FHIT: variants seen among roughly 807,000 people sequenced by gnomAD.
FHIT encodes bis(5'-adenosyl)-triphosphatase.
FHIT carries 19 observed loss-of-function variants against 17.9 expected under a neutral mutation model. The observed-to-expected ratio is 1.06, with a 90% CI of 0.74 to 1.56. FHIT has a LOEUF of 1.56. FHIT is among the 40% of genes most tolerant of loss of function. The pLI is 0.00. For synonymous variants in FHIT, 81 were observed against 69.7 expected (o/e 1.16, Z -0.81); for missense variants, 248 against 189.2 (o/e 1.31, Z -1.82).
rs76987045 is a variant in FHIT at position 60,072,022 on chromosome 3, T to C, written c.104-57870A>G. The stretch of plus-strand genomic sequence containing the variant: ...TCCGTTAAACCTCTTCCCTTTATGA[T>C]TTACCAAGTCTCAGGTTTGTCTTTA... On this transcript the variant is annotated intron_variant, in intron 5 of 9. Coordinates refer to ENST00000492590, the MANE Select transcript of FHIT (RefSeq NM_002012.4). 4.8e-3 allele frequency among the ~76,000 whole-genome samples: 724 copies of C among 152,234 alleles called. 5 individuals are homozygous for C. Among genetic ancestry groups the C allele is most frequent in the African/African-American group, 0.016 (667 of 41,530 alleles).
chr3:59,881,718 C>G (rs1341589804), intron 8 of FHIT, among the ~76,000 whole-genome samples: 1 of 152,068 alleles, frequency 6.6e-6, no homozygotes, highest in Non-Finnish European at 1.5e-5. Flanking sequence ...AAGTTTAATA[C>G]AAGAAGAGGC....
At chr3:60,312,597 A>G (rs1187077275) in intron 5 of FHIT, among the ~76,000 whole-genome samples, 2 of 152,194 alleles carry the variant, frequency 1.3e-5, no homozygotes, top group Non-Finnish European at 2.9e-5. Flanking sequence ...CTGATTTAAC[A>G]GTTCTGGTAT....
intron 2 of FHIT, among the ~76,000 whole-genome samples, chr3:61,177,069 T>A (rs1289705446): frequency 1.3e-5 from 2 of 151,574 alleles, no homozygotes; most frequent in Non-Finnish European, 2.9e-5. Context: ...CCCAGCTACT[T>A]GGGAGGCTGA....
chr3:60,590,645 C>T (rs1553663888), intron 4 of FHIT, among the ~76,000 whole-genome samples: 1 of 152,148 alleles, frequency 6.6e-6, no homozygotes, highest in East Asian at 1.9e-4. Context: ...TTTGCAACTT[C>T]TGTGTGCATG....
At chr3:60,571,330 C>A (rs2037371487) in intron 4 of FHIT, among the ~76,000 whole-genome samples, 2 of 47,124 alleles carry the variant, frequency 4.2e-5, no homozygotes, top group African/African-American at 7.8e-5. Context: ...GGCAAGACTC[C>A]ATCGCAAAAA....
At chr3:59,885,441 C>CTTTTTT (rs60795525) in intron 8 of FHIT, among the ~76,000 whole-genome samples, 19 of 135,994 alleles carry the variant, frequency 1.4e-4, no homozygotes, top group Admixed American at 3.7e-4. Context: ...CTACCTGATG[C>CTTTTTT]TTTTTTTTTT....
rs1553657973 is a variant in FHIT at position 59,749,518 on chromosome 3, G to GT, written c.*66_*67insA. The GT allele has an allele frequency of 4.3e-6, 1 of 231,372 alleles. No homozygotes were observed. Among genetic ancestry groups the GT allele is most frequent in the Non-Finnish European group, 8.5e-6 (1 of 117,226 alleles). The allele number at this position is 231,372 out of a possible 1,614,324, so 14.3% of individuals were successfully genotyped here. On this transcript the variant is annotated 3_prime_UTR_variant, in exon 10 of 10. Transcript: ENST00000492590. Reference sequence around the variant, plus strand: ...TTCAGTTCCTCTTGGGGAGAGGCGGGGGGCGGTCTTCAAACTGGTTGGCAA... The same window carrying GT: ...TTCAGTTCCTCTTGGGGAGAGGCGGGTGGGCGGTCTTCAAACTGGTTGGCAA...
At chr3:60,335,859 G>A (rs946241539) in intron 5 of FHIT, among the ~76,000 whole-genome samples, 1 of 151,966 alleles carries the variant, frequency 6.6e-6, no homozygotes, top group African/African-American at 2.4e-5. Context: ...AAAAAAAATG[G>A]TATGCTCCAA....
intron 4 of FHIT, among the ~76,000 whole-genome samples, chr3:60,754,631 C>CA (rs1189966755): frequency 0.01 from 1,442 of 141,024 alleles, 21 homozygotes; most frequent in African/African-American, 0.033. Context: ...AACTCTGTCT[C>CA]AAAAAAAAAA....
intron 2 of FHIT, among the ~76,000 whole-genome samples, chr3:61,102,319 GTT>G (rs1009099623): frequency 6.6e-6 from 1 of 152,128 alleles, no homozygotes; most frequent in African/African-American, 2.4e-5. Context: ...TAATCATGTG[GTT>G]TTTGTCTTTG....
At chr3:61,106,374 T>C (rs2035988415) in intron 2 of FHIT, among the ~76,000 whole-genome samples, 1 of 152,140 alleles carries the variant, frequency 6.6e-6, no homozygotes, top group African/African-American at 2.4e-5. Flanking sequence ...TATTATTAAC[T>C]GTAGTTACCA....
intron 8 of FHIT, among the ~76,000 whole-genome samples, chr3:59,865,248 A>C (rs745826796): frequency 2.6e-5 from 4 of 152,152 alleles, no homozygotes; most frequent in Admixed American, 6.5e-5. Context: ...AAATACATTA[A>C]ATCTTATATT....
chr3:60,642,402 T>C (rs1036268263), intron 4 of FHIT, among the ~76,000 whole-genome samples: 6 of 152,182 alleles, frequency 3.9e-5, no homozygotes, highest in Admixed American at 2.0e-4. Flanking sequence ...AGATCCTTAA[T>C]TTAAATGGAA....
chr3:60,196,568 G>A (rs1702649453), intron 5 of FHIT, among the ~76,000 whole-genome samples: 1 of 152,078 alleles, frequency 6.6e-6, no homozygotes, highest in Admixed American at 6.6e-5. Flanking sequence ...ACAGGTGTTG[G>A]GGATTAGAAT....
At chr3:60,392,571 C>G (rs1444909500) in intron 5 of FHIT, among the ~76,000 whole-genome samples, 1 of 152,176 alleles carries the variant, frequency 6.6e-6, no homozygotes, top group African/African-American at 2.4e-5. Flanking sequence ...GACTGAAAAA[C>G]TAAAGCTGAA....
chr3:60,342,583 T>C (rs1710579223), intron 5 of FHIT, among the ~76,000 whole-genome samples: 1 of 152,228 alleles, frequency 6.6e-6, no homozygotes, highest in Admixed American at 6.5e-5. Flanking sequence ...ATGATTTACA[T>C]AATTCTGTAA....
chr3:60,362,583 GCAAAT>G, intron 5 of FHIT, among the ~76,000 whole-genome samples: 1 of 152,274 alleles, frequency 6.6e-6, no homozygotes, highest in East Asian at 1.9e-4. Flanking sequence ...TAAGCATTCA[GCAAAT>G]TAAATCATCA....
intron 5 of FHIT, among the ~76,000 whole-genome samples, chr3:60,087,771 C>T (rs1703558606): frequency 1.3e-5 from 2 of 152,174 alleles, no homozygotes; most frequent in Admixed American, 1.3e-4. Context: ...ATATTTCTAT[C>T]AGCATTTTGG....
At chr3:60,671,389 C>T (rs1176487197) in intron 4 of FHIT, among the ~76,000 whole-genome samples, 1 of 151,918 alleles carries the variant, frequency 6.6e-6, no homozygotes, top group East Asian at 1.9e-4. Flanking sequence ...TGGAACTTTA[C>T]AGAGTAGAGT....
Sources: gnomAD v4.1 joint callset for allele counts (sites outside exome capture counted in the v4.1 genomes callset) on GRCh38, gnomAD v4.1.1 for gene constraint, MANE v1.5 for transcripts, NCBI Gene and HGNC (gene_info 2026-07-23, HGNC 2026-07-21) for gene names.